Variants in CALML4 observed in about 807,000 individuals in gnomAD.
CALML4 encodes calmodulin like 4.
Under a neutral mutation model 17.9 loss-of-function variants are expected in CALML4, and 16 were observed. The observed-to-expected ratio is 0.89, with a 90% CI of 0.61 to 1.36. The LOEUF is 1.36. Ranked by LOEUF, CALML4 falls within the 40% of genes most tolerant of loss-of-function variation. CALML4 has a pLI of 0.00. For missense variants in CALML4, 203 were observed against 194.8 expected, an observed-to-expected ratio of 1.04 and a Z score of -0.25; for synonymous variants, 86 against 71.5, an observed-to-expected ratio of 1.20 and a Z score of -1.02.
chr15:68,192,828 T>C lies in CALML4; in HGVS notation c.*1187A>G, dbSNP rs561584207. On this transcript the variant is annotated 3_prime_UTR_variant, in exon 5 of 5. Transcript: ENST00000467889. ...AACCCACTTTTGATACATACATGGA[T>C]GCAAATCTTTGTACTTGAAGCCCTG... The C allele has an allele frequency of 3.3e-5, 5 of 152,394 alleles. No homozygotes were observed. In the South Asian group the frequency reaches 1.0e-3, roughly 32 times the overall value. The allele number at this position is 152,394 out of a possible 1,614,324, so 9.4% of individuals were successfully genotyped here. A position where few individuals can be genotyped will look rare whatever the true frequency, so the allele number is the denominator to read the frequency against.
At chr15:68,199,518 C>T in intron 3 of CALML4, 23 bp downstream of exon 3, 1 of 1,600,658 alleles carries the variant, frequency 6.2e-7, no homozygotes, top group Non-Finnish European at 8.5e-7. Flanking sequence ...TCCCCTCTCC[C>T]CGTTGTTCCC....
At chr15:68,195,638 G>A (rs973931621) in intron 4 of CALML4, among the ~76,000 whole-genome samples, 9 of 152,164 alleles carry the variant, frequency 5.9e-5, no homozygotes, top group Non-Finnish European at 1.2e-4. Flanking sequence ...TCAGGAGAAG[G>A]CTTCACCCAC....
At chr15:68,194,201 G>A (rs2093132878) in intron 4 of CALML4, 89 bp from the exon 5 acceptor site, 4 of 945,348 alleles carry the variant, frequency 4.2e-6, no homozygotes, top group Non-Finnish European at 5.0e-6. Context: ...CTCCCCTAAG[G>A]TCTTCCCTGA....
At position 68,199,633 on chromosome 15, in the gene CALML4, A is replaced by G. The variant is rs758610250; in HGVS notation, c.83T>C (p.Ile28Thr). ...GGCCACCATGAGGTCGGTGGCTTTT[A>G]TCTTCCCCCTCTGCTGCTTGTCATA... ...SLYDKQQRGKIKATDLMVAMR... is the reference protein window; with the variant it reads ...SLYDKQQRGKTKATDLMVAMR... Residue 28 changes from isoleucine (I) to threonine (T), a missense_variant, in exon 3 of 5, where the codon ATA (isoleucine) becomes ACA (threonine). Transcript: ENST00000467889. 3 of 1,613,030 alleles carry G rather than the reference A, an allele frequency of 1.9e-6. No individual in the cohort carries two copies. The highest frequency in any genetic ancestry group is 2.5e-6 in the Non-Finnish European group (3 of 1,179,800).
At chr15:68,205,352 C>T (rs764145542), upstream of CALML4, 5 of 1,613,896 alleles carry the variant, frequency 3.1e-6, no homozygotes, top group East Asian at 2.2e-5. This position sits in a 1 kb window ranked among gnomAD's most constrained non-coding sequence, Gnocchi z 4.8. Context: ...GGTGGAGGCC[C>T]GGGTAATAAA....
chr15:68,201,944 C>T (rs1056688663), intron 2 of CALML4, among the ~76,000 whole-genome samples: 2 of 152,206 alleles, frequency 1.3e-5, no homozygotes, highest in African/African-American at 4.8e-5. Context: ...CATACTAGCA[C>T]ATATATTTCA....
chr15:68,201,014 A>G (rs1393034822), intron 2 of CALML4, among the ~76,000 whole-genome samples: 1 of 151,770 alleles, frequency 6.6e-6, no homozygotes, highest in Non-Finnish European at 1.5e-5. Context: ...GAGGATGCAG[A>G]AGGAGCCCCC....
Position 68,193,866 on chromosome 15 carries a change from A to G in CALML4, c.*149T>C. ...CATACCATGGCTGAAATCATCTATTATTGTTGCTAGTTAGCCTCTCTTCTA... is the reference window on the plus strand; with the variant it reads ...CATACCATGGCTGAAATCATCTATTGTTGTTGCTAGTTAGCCTCTCTTCTA... On this transcript the variant is annotated 3_prime_UTR_variant, in exon 5 of 5. Transcript: ENST00000467889. 2 of 613,284 alleles carry G rather than the reference A, an allele frequency of 3.3e-6. No homozygotes were observed. The highest frequency in any genetic ancestry group is 2.9e-5 in the Admixed American group (1 of 34,274). 38.0% of individuals were successfully genotyped at this position (613,284 alleles called of 1,614,324 possible). A position where few individuals can be genotyped will look rare whatever the true frequency, so the allele number is the denominator to read the frequency against.
Position 68,197,385 on chromosome 15 carries a change from C to A in CALML4, c.364+55G>T. The A allele has an allele frequency of 6.4e-7, 1 of 1,560,472 alleles. No individual in the cohort carries two copies. Among genetic ancestry groups the A allele is most frequent in the Non-Finnish European group, 8.7e-7 (1 of 1,148,488 alleles). ...GGCATCAGCTAGGCTTTGGTGCCCT[C>A]CTTCCAACTCCCTAACCCCCTCCAA... is the stretch of plus-strand genomic sequence containing the variant. On this transcript the variant is annotated intron_variant, in intron 4 of 4. Transcript: ENST00000467889. This position sits in a 1 kb window ranked among gnomAD's most constrained non-coding sequence, Gnocchi z 4.1.
intron 2 of CALML4, 60 bp from the exon 3 acceptor site, chr15:68,199,741 T>A: frequency 6.5e-7 from 1 of 1,547,430 alleles, no homozygotes; most frequent in Non-Finnish European, 8.8e-7. Flanking sequence ...CATGCCGCCC[T>A]CCCCATCCTT....
At position 68,200,171 on chromosome 15, in the gene CALML4, T is replaced by C. The variant is rs537405520; in HGVS notation, c.35-490A>G. Among the ~76,000 whole-genome samples the C allele has an allele frequency of 7.6e-4, 115 of 152,224 alleles. 1 individual carries two copies. The highest frequency in any genetic ancestry group is 2.6e-3 in the African/African-American group (110 of 41,554). On this transcript the variant is annotated intron_variant, in intron 2 of 4. Transcript: ENST00000467889. This position sits in a 1 kb window ranked among gnomAD's most constrained non-coding sequence, Gnocchi z 4.3. ...CTGCAAACACAACTTTTCTGGACAA[T>C]GGGAATAATAAGGCCTCAGGATTAC... is the stretch of plus-strand genomic sequence containing the variant.
chr15:68,197,438 A>C lies in CALML4; in HGVS notation c.364+2T>G. ...GTTGGGAGACAGGACCCAGGCTGTT[A>C]CCTTCCTTGTGGGTGAGCTTCTCCC... On this transcript the variant is annotated splice_donor_variant, in intron 4 of 4. Transcript: ENST00000467889. LOFTEE classifies it high-confidence loss of function. This position sits in a 1 kb window ranked among gnomAD's most constrained non-coding sequence, Gnocchi z 4.1. 6.2e-7 allele frequency: 1 copy of C among 1,613,002 alleles called. No homozygotes were observed. Among genetic ancestry groups the C allele is most frequent in the Non-Finnish European group, 8.5e-7 (1 of 1,179,546 alleles).
rs1010853567 is a variant in CALML4 at position 68,197,032 on chromosome 15, T to C, written c.364+408A>G. ...GGATGTCTAGACCTGCCTTCGCTCCTGCGCCGCTGCTTGGGAGCCGCTCAC... is the reference window on the plus strand; with the variant it reads ...GGATGTCTAGACCTGCCTTCGCTCCCGCGCCGCTGCTTGGGAGCCGCTCAC... On this transcript the variant is annotated intron_variant, in intron 4 of 4. Transcript: ENST00000467889. The surrounding 1 kb of genome is among the most constrained non-coding windows in gnomAD (Gnocchi z 4.1). Among the ~76,000 whole-genome samples, 1 of 152,208 alleles carries C rather than the reference T, an allele frequency of 6.6e-6. No individual in the cohort carries two copies. Among genetic ancestry groups the C allele is most frequent in the Non-Finnish European group, 1.5e-5 (1 of 68,034 alleles).
chr15:68,191,055 ATTATT>A lies in CALML4; in HGVS notation c.*2955_*2959del, dbSNP rs910484308. ...CAGGACTTTTTAAAGCACATTTGAA[ATTATT>A]TTAGTAAGAATTTTGTTTTATCAAT... is the stretch of plus-strand genomic sequence containing the variant. On this transcript the variant is annotated 3_prime_UTR_variant, in exon 5 of 5. Transcript: ENST00000467889. The A allele has an allele frequency of 2.9e-4, 45 of 152,726 alleles. No homozygotes were observed. The highest frequency in any genetic ancestry group is 1.0e-3 in the African/African-American group (42 of 41,592). 9.5% of individuals were successfully genotyped at this position (152,726 alleles called of 1,614,324 possible). A position where few individuals can be genotyped will look rare whatever the true frequency, so the allele number is the denominator to read the frequency against.
chr15:68,200,774 T>C lies in CALML4; in HGVS notation c.35-1093A>G, dbSNP rs1388213744. 3.9e-5 allele frequency among the ~76,000 whole-genome samples: 6 copies of C among 152,134 alleles called. No individual in the cohort carries two copies. The highest frequency in any genetic ancestry group is 3.3e-4 in the Admixed American group (5 of 15,280). On this transcript the variant is annotated intron_variant, in intron 2 of 4. Coordinates refer to ENST00000467889, the MANE Select transcript of CALML4 (RefSeq NM_033429.3). This position sits in a 1 kb window ranked among gnomAD's most constrained non-coding sequence, Gnocchi z 4.3. ...AGGTCCTTAGAGGCCTGGACAATAA[T>C]AGCCCCTTAGCTGATGACAGCAACA...
Position 68,199,696 on chromosome 15 carries a change from G to T in CALML4, c.35-15C>A. On this transcript the variant is annotated splice_polypyrimidine_tract_variant and intron_variant, in intron 2 of 4. Coordinates refer to ENST00000467889, the MANE Select transcript of CALML4 (RefSeq NM_033429.3). Reference sequence around the variant, plus strand: ...TTCCTTGTACTCTGCACACGGCCCAGAGGGAGGGTCAGCAGCGTCTGGTCA... The same window carrying T: ...TTCCTTGTACTCTGCACACGGCCCATAGGGAGGGTCAGCAGCGTCTGGTCA... 6.2e-7 allele frequency: 1 copy of T among 1,609,602 alleles called. No homozygotes were observed.
chr15:68,205,308 T>C lies in CALML4; in HGVS notation c.-61A>G. 6.2e-7 allele frequency: 1 copy of C among 1,614,024 alleles called. No homozygotes were observed. The highest frequency in any genetic ancestry group is 8.5e-7 in the Non-Finnish European group (1 of 1,180,026). On this transcript the variant is annotated 5_prime_UTR_variant, in exon 1 of 5. Coordinates refer to ENST00000467889, the MANE Select transcript of CALML4 (RefSeq NM_033429.3). The surrounding 1 kb of genome is among the most constrained non-coding windows in gnomAD (Gnocchi z 4.8). Reference sequence around the variant, plus strand: ...TCCCAGAACCGCGTTCAGTTCCCTTTCCTCCAGCCTCAAGTCTAAAGTCTG... The same window carrying C: ...TCCCAGAACCGCGTTCAGTTCCCTTCCCTCCAGCCTCAAGTCTAAAGTCTG...
Position 68,205,124 on chromosome 15 carries a change from TA to T in CALML4, c.30del (p.Asn11MetfsTer18). 1 of 1,613,962 alleles carries T rather than the reference TA, an allele frequency of 6.2e-7. No homozygotes were observed. Among genetic ancestry groups the T allele is most frequent in the Non-Finnish European group, 8.5e-7 (1 of 1,180,004 alleles). MAKFLSQDQ[I>X]NEYKECFSLY... ...TCAAAGAACAAACCCAACCTACCAT[TA>T]ATTTGGTCTTGGGAAAGAAACTTGG... On this transcript the variant is annotated frameshift_variant, in exon 2 of 5. Transcript: ENST00000467889. LOFTEE classifies it high-confidence loss of function. The surrounding 1 kb of genome is among the most constrained non-coding windows in gnomAD (Gnocchi z 4.8).
intron 4 of CALML4, among the ~76,000 whole-genome samples, chr15:68,194,414 G>A (rs866012936): frequency 1.6e-4 from 23 of 144,726 alleles, no homozygotes; most frequent in African/African-American, 3.7e-4. Flanking sequence ...AAACAGTTTC[G>A]CTCTTGTTGC....
Sources: gnomAD v4.1 joint callset for allele counts (sites outside exome capture counted in the v4.1 genomes callset) on GRCh38, gnomAD v4.1.1 for gene constraint, Gnocchi (gnomAD v3.1) non-coding constraint, MANE v1.5 for transcripts, NCBI Gene and HGNC (gene_info 2026-07-23, HGNC 2026-07-21) for gene names.